The following NKAIN3 variants were observed in gnomAD, a reference collection of about 807,000 sequenced individuals.
The protein encoded by NKAIN3 is sodium/potassium transporting ATPase interacting 3.
A neutral mutation model predicts 30.2 loss-of-function variants in NKAIN3; 25 were observed. The ratio of observed to expected loss-of-function variants is 0.83; its 90% CI spans 0.60 to 1.16. NKAIN3 has a LOEUF of 1.16. NKAIN3 is among the 50% of genes most tolerant of loss of function. The probability of loss-of-function intolerance (pLI) is 0.00; values close to 1 mark genes in which losing one functional copy is unlikely to be tolerated. For synonymous variants in NKAIN3, 91 were observed against 89.6 expected, an observed-to-expected ratio of 1.02 and a Z score of -0.09; for missense variants, 225 against 254.1, an observed-to-expected ratio of 0.89 and a Z score of 0.78.
At chr8:62,517,138 T>C (rs963715341) in intron 1 of NKAIN3, among the ~76,000 whole-genome samples, 1 of 152,186 alleles carries the variant, frequency 6.6e-6, no homozygotes, top group African/African-American at 2.4e-5. Context: ...TAATTTTTTT[T>C]CTCTGATTGC....
intron 1 of NKAIN3, among the ~76,000 whole-genome samples, chr8:62,526,067 G>C (rs1415968890): frequency 6.6e-6 from 1 of 152,056 alleles, no homozygotes; most frequent in African/African-American, 2.4e-5. Flanking sequence ...TTTATGAGAA[G>C]CATTGATAAT....
chr8:62,260,212 G>A (rs1300921494), intron 1 of NKAIN3, among the ~76,000 whole-genome samples: 1 of 151,994 alleles, frequency 6.6e-6, no homozygotes, highest in African/African-American at 2.4e-5. Context: ...TTAATATCTA[G>A]TATAATAAGA....
intron 1 of NKAIN3, among the ~76,000 whole-genome samples, chr8:62,459,800 G>A (rs2075833188): frequency 6.6e-6 from 1 of 152,184 alleles, no homozygotes; most frequent in Non-Finnish European, 1.5e-5. Context: ...CTGAAGGGGA[G>A]TAAAGAGTAA....
At chr8:62,281,091 G>A (rs1813166411) in intron 1 of NKAIN3, among the ~76,000 whole-genome samples, 1 of 152,068 alleles carries the variant, frequency 6.6e-6, no homozygotes, top group African/African-American at 2.4e-5. Context: ...CTTCTTCCTG[G>A]TTTAGTCTTG....
intron 4 of NKAIN3, among the ~76,000 whole-genome samples, chr8:62,878,509 TTTATTATTA>T (rs77965849): frequency 6.6e-6 from 1 of 151,010 alleles, no homozygotes; most frequent in Admixed American, 6.6e-5. Context: ...TTGTTGTGTT[TTTATTATTA>T]TTATTATTAT....
chr8:62,284,134 G>T (rs750672743), intron 1 of NKAIN3, among the ~76,000 whole-genome samples: 2 of 152,084 alleles, frequency 1.3e-5, no homozygotes, highest in Non-Finnish European at 2.9e-5. Flanking sequence ...CCCAGAAGGG[G>T]TATCAGAGAA....
At chr8:62,735,306 T>C (rs1441455286) in intron 3 of NKAIN3, among the ~76,000 whole-genome samples, 6 of 152,084 alleles carry the variant, frequency 3.9e-5, no homozygotes, top group Non-Finnish European at 7.4e-5. Context: ...AAAAAGTTTT[T>C]CTTTTCTTTG....
chr8:62,998,721 AT>A (rs1312971918), intron 5 of NKAIN3, among the ~76,000 whole-genome samples: 1 of 152,056 alleles, frequency 6.6e-6, no homozygotes, highest in East Asian at 1.9e-4. Context: ...TGTCATGCAT[AT>A]TTTTTCCTTT....
intron 1 of NKAIN3, among the ~76,000 whole-genome samples, chr8:62,416,924 G>A (rs1167308419): frequency 3.3e-5 from 5 of 151,634 alleles, no homozygotes; most frequent in Non-Finnish European, 5.9e-5. Context: ...CCTGGGAGGC[G>A]GAGGCTGCAG....
In NKAIN3 at chr8:62,456,322, C is replaced by T. The variant is rs185317792; in HGVS notation, c.55-123217C>T. Among the ~76,000 whole-genome samples the T allele has an allele frequency of 5.9e-5, 9 of 152,168 alleles. No individual in the cohort carries two copies. In the East Asian group the frequency reaches 1.7e-3, roughly 30 times the overall value. ...GGATCACGAGGTCAGGAGATCGAGACCATCTGGCTAACATGGTGAAACCCC... is the reference window on the plus strand; with the variant it reads ...GGATCACGAGGTCAGGAGATCGAGATCATCTGGCTAACATGGTGAAACCCC... On this transcript the variant is annotated intron_variant, in intron 1 of 6. Coordinates refer to ENST00000623646, the MANE Select transcript of NKAIN3 (RefSeq NM_001304533.3).
chr8:62,812,754 C>T (rs537452692), intron 4 of NKAIN3, among the ~76,000 whole-genome samples: 7 of 151,800 alleles, frequency 4.6e-5, no homozygotes, highest in African/African-American at 1.7e-4. Context: ...TTAATGAAGA[C>T]TAAATTTATT....
intron 4 of NKAIN3, chr8:62,855,504 C>T (rs2130780700): frequency 7.1e-7 from 1 of 1,406,082 alleles, no homozygotes; most frequent in East Asian, 2.3e-5. Context: ...AATTTCCCTT[C>T]AGGATTGTAA....
chr8:62,659,571 A>G (rs75306567), intron 3 of NKAIN3, among the ~76,000 whole-genome samples: 3,589 of 152,300 alleles, frequency 0.024, 48 homozygotes, highest in Middle Eastern at 0.058. Flanking sequence ...GTGCTCCAGC[A>G]TGGTCTGTTG....
intron 4 of NKAIN3, among the ~76,000 whole-genome samples, chr8:62,754,225 C>T (rs1037731213): frequency 2.0e-5 from 3 of 152,060 alleles, no homozygotes; most frequent in African/African-American, 7.2e-5. Flanking sequence ...ATCTTAGTTA[C>T]TATAAAATAT....
chr8:62,747,049 A>T lies in NKAIN3; in HGVS notation c.391A>T (p.Thr131Ser), dbSNP rs544623746. 1 of 1,613,758 alleles carries T rather than the reference A, an allele frequency of 6.2e-7. No homozygotes were observed. The highest frequency in any genetic ancestry group is 2.2e-5 in the East Asian group (1 of 44,876). The change falls in exon 4 of 7, where the codon ACG becomes TCG. Residue 131 changes from threonine (T) to serine (S), a missense_variant. Transcript: ENST00000623646. ...PSAHGMMDDY[T>S]YVSVTGCIVD... ...AGCCCATGGCATGATGGACGATTAC[A>T]CGTACGTCTCTGTCACAGGCTGCAT...
chr8:62,566,082 C>A (rs999028943), intron 1 of NKAIN3, among the ~76,000 whole-genome samples: 3 of 152,094 alleles, frequency 2.0e-5, no homozygotes, highest in Non-Finnish European at 4.4e-5. Flanking sequence ...GCATTTATTT[C>A]AGAGGCACAT....
chr8:62,892,487 C>T (rs1174414940), intron 4 of NKAIN3, among the ~76,000 whole-genome samples: 3 of 152,100 alleles, frequency 2.0e-5, no homozygotes, highest in Admixed American at 2.0e-4. Context: ...ATTTTCCAGG[C>T]TGTGATTATT....
At chr8:62,296,424 C>G (rs1813832669) in intron 1 of NKAIN3, among the ~76,000 whole-genome samples, 1 of 152,136 alleles carries the variant, frequency 6.6e-6, no homozygotes, top group African/African-American at 2.4e-5. Context: ...TGATAGGAAC[C>G]TAAGATGCTA....
At chr8:62,738,972 G>A (rs951675052) in intron 3 of NKAIN3, among the ~76,000 whole-genome samples, 1 of 152,106 alleles carries the variant, frequency 6.6e-6, no homozygotes, top group Non-Finnish European at 1.5e-5. Flanking sequence ...GCAGGGACAC[G>A]GATGAAGCTG....
Sources: gnomAD v4.1 joint callset for allele counts (sites outside exome capture counted in the v4.1 genomes callset) on GRCh38, gnomAD v4.1.1 for gene constraint, MANE v1.5 for transcripts, NCBI Gene and HGNC (gene_info 2026-07-23, HGNC 2026-07-21) for gene names.